Variants in HS3ST3B1 observed in about 807,000 individuals in gnomAD.
The protein encoded by HS3ST3B1 is heparan sulfate-glucosamine 3-sulfotransferase 3B1.
HS3ST3B1 carries 13 observed loss-of-function variants against 21.3 expected under a neutral mutation model. That is an observed-to-expected ratio of 0.61 (90% CI 0.40 to 0.97). The LOEUF (loss-of-function observed/expected upper bound fraction) is 0.97. Among genes scored for constraint, HS3ST3B1 ranks in the 50% least tolerant of loss-of-function variants. The probability of loss-of-function intolerance (pLI) is 0.00; values close to 1 mark genes in which losing one functional copy is unlikely to be tolerated. For synonymous variants in HS3ST3B1, 234 were observed against 254.8 expected, an observed-to-expected ratio of 0.92 and a Z score of 0.78; for missense variants, 459 against 554.8, an observed-to-expected ratio of 0.83 and a Z score of 1.73.
rs143567288 is a variant in HS3ST3B1, at chr17:14,345,076, G to T, written c.603G>T (p.Thr201=). The T allele has an allele frequency of 4.7e-4, 743 of 1,574,420 alleles. 14 individuals carry two copies. The African/African-American group carries it at 9.0e-3, about 19-fold the overall frequency. Residue 201 remains threonine, a synonymous_variant, in exon 2 of 2, where the codon ACG becomes ACT. Transcript: ENST00000360954. ...ACGGGCAGATCACCATGGAGAAGAC[G>T]CCCAGTTACTTCGTCACGCGGGAGG... ...TLDGQITMEK[T]PSYFVTREAP...
Position 14,345,707 on chromosome 17 carries a change from G to T in HS3ST3B1, c.*61G>T. 1 of 1,535,480 alleles carries T rather than the reference G, an allele frequency of 6.5e-7. No individual in the cohort carries two copies. The highest frequency in any genetic ancestry group is 8.8e-7 in the Non-Finnish European group (1 of 1,141,246). ...ATCTATTGACAGAGATTATATGTATGTAAAATGTACAGAAATCTATTTTAT... is the reference window on the plus strand; with the variant it reads ...ATCTATTGACAGAGATTATATGTATTTAAAATGTACAGAAATCTATTTTAT... On this transcript the variant is annotated 3_prime_UTR_variant, in exon 2 of 2. Transcript: ENST00000360954.
intron 1 of HS3ST3B1, among the ~76,000 whole-genome samples, chr17:14,342,433 C>T (rs1031140747): frequency 2.6e-5 from 4 of 151,808 alleles, no homozygotes; most frequent in Non-Finnish European, 5.9e-5. Context: ...AGCTTAGTAT[C>T]CACTTAGTTA....
chr17:14,318,577 A>G (rs1290804131), intron 1 of HS3ST3B1, among the ~76,000 whole-genome samples: 1 of 152,156 alleles, frequency 6.6e-6, no homozygotes, highest in Non-Finnish European at 1.5e-5. Context: ...AGTTATTGAT[A>G]AGGTCTAGCT....
Position 14,345,302 on chromosome 17 carries a change from G to A in HS3ST3B1, c.829G>A (p.Ala277Thr), listed in dbSNP as rs1910522443. 3 of 1,111,898 alleles carry A rather than the reference G, an allele frequency of 2.7e-6. No homozygotes were observed. Among genetic ancestry groups the A allele is most frequent in the Admixed American group, 2.1e-5 (1 of 46,698 alleles). 68.9% of individuals were successfully genotyped at this position (1,111,898 alleles called of 1,614,324 possible). Residue 277 changes from alanine to threonine, a missense_variant, in exon 2 of 2, where the codon GCC becomes ACC. Transcript: ENST00000360954. Reference protein sequence around the residue: ...SWSAIQIGIYAKHLEHWLRHF... With the variant: ...SWSAIQIGIYTKHLEHWLRHF... ...GAGCGCCATCCAGATCGGCATCTAC[G>A]CCAAGCACCTGGAGCACTGGCTGCG...
At position 14,303,098 on chromosome 17, in the gene HS3ST3B1, A is replaced by C. The variant is rs1014151632; in HGVS notation, c.554+1026A>C. On this transcript the variant is annotated intron_variant, in intron 1 of 1. Transcript: ENST00000360954. The surrounding 1 kb of genome is among the most constrained non-coding windows in gnomAD (Gnocchi z 5.7). ...TGTTGGGTTGCCCGAGCTTCGGGTAAGGCGCGAGTGGGCAGGAGGTCTAGA... is the reference window on the plus strand; with the variant it reads ...TGTTGGGTTGCCCGAGCTTCGGGTACGGCGCGAGTGGGCAGGAGGTCTAGA... Among the ~76,000 whole-genome samples, 22 of 152,194 alleles carry C rather than the reference A, an allele frequency of 1.4e-4. No homozygotes were observed. The East Asian group carries it at 3.1e-3, about 21-fold the overall frequency.
intron 1 of HS3ST3B1, among the ~76,000 whole-genome samples, chr17:14,306,522 T>C (rs745618420): frequency 6.6e-6 from 1 of 152,238 alleles, no homozygotes; most frequent in African/African-American, 2.4e-5. Flanking sequence ...GCTAACACTT[T>C]TGGCAGATTC....
At chr17:14,307,456 T>G (rs1044625728) in intron 1 of HS3ST3B1, among the ~76,000 whole-genome samples, 3 of 152,064 alleles carry the variant, frequency 2.0e-5, no homozygotes, top group Non-Finnish European at 4.4e-5. Context: ...CAATATGTCA[T>G]ATAACGTCAT....
chr17:14,342,681 T>G (rs1002302897), intron 1 of HS3ST3B1, among the ~76,000 whole-genome samples: 1 of 152,148 alleles, frequency 6.6e-6, no homozygotes, highest in Non-Finnish European at 1.5e-5. Context: ...GGCTCCATTT[T>G]TGTGGATGAG....
chr17:14,302,655 C>A (rs1194864460), intron 1 of HS3ST3B1, among the ~76,000 whole-genome samples: 1 of 151,990 alleles, frequency 6.6e-6, no homozygotes, highest in Non-Finnish European at 1.5e-5. Flanking sequence ...CGCCTGGGCT[C>A]GGGAGGGTGA....
chr17:14,315,679 G>A (rs1364638357), intron 1 of HS3ST3B1, among the ~76,000 whole-genome samples: 1 of 152,044 alleles, frequency 6.6e-6, no homozygotes, highest in Non-Finnish European at 1.5e-5. Flanking sequence ...AAAAATGCCA[G>A]GCGTGGTGGC....
At chr17:14,309,333 C>T (rs1048135199) in intron 1 of HS3ST3B1, among the ~76,000 whole-genome samples, 3 of 152,212 alleles carry the variant, frequency 2.0e-5, no homozygotes, top group African/African-American at 7.2e-5. Flanking sequence ...ACTGGGGCCG[C>T]CTCCCCCGCC....
intron 1 of HS3ST3B1, among the ~76,000 whole-genome samples, chr17:14,335,002 A>T (rs1392346090): frequency 6.6e-6 from 1 of 152,096 alleles, no homozygotes; most frequent in Non-Finnish European, 1.5e-5. Flanking sequence ...TCTCTTTGTC[A>T]CATTTTTGAT....
rs1910402782 is a variant in HS3ST3B1 at position 14,342,076 on chromosome 17, A to C, written c.555-2952A>C. On this transcript the variant is annotated intron_variant, in intron 1 of 1. Transcript: ENST00000360954. Reference sequence around the variant, plus strand: ...TCCCTGTTGGCAGTCTGCAAGAAGGAGTGCCCGCCCTCTAGGGAATTGCCT... The same window carrying C: ...TCCCTGTTGGCAGTCTGCAAGAAGGCGTGCCCGCCCTCTAGGGAATTGCCT... 2.6e-5 allele frequency among the ~76,000 whole-genome samples: 4 copies of C among 152,284 alleles called. No individual in the cohort carries two copies. The South Asian group carries it at 6.2e-4, about 24-fold the overall frequency.
chr17:14,324,758 C>T (rs186343767), intron 1 of HS3ST3B1, among the ~76,000 whole-genome samples: 1 of 152,096 alleles, frequency 6.6e-6, no homozygotes, highest in East Asian at 1.9e-4. Context: ...GGACTACAGG[C>T]ACACCATCAC....
In HS3ST3B1 at chr17:14,345,581, G is replaced by A. The variant is rs370925943; in HGVS notation, c.1108G>A (p.Glu370Lys). ...IDREVVRRLR[E>K]FYRPFNLKFY... ...CCGCGAGGTGGTGCGCAGGCTGCGC[G>A]AGTTCTACCGGCCTTTCAACCTCAA... The change falls in exon 2 of 2, where the codon GAG (glutamate) becomes AAG (lysine). Residue 370 changes from glutamate (E) to lysine (K), a missense_variant. Physicochemically the swap from Glu to Lys is moderately conservative, Grantham distance 56 (BLOSUM62 1). This residue lies in a region of HS3ST3B1 where 127 missense variants were observed against 209.9 expected (regional missense o/e 0.60). Transcript: ENST00000360954. The A allele has an allele frequency of 2.7e-5, 43 of 1,597,816 alleles. No homozygotes were observed. The highest frequency in any genetic ancestry group is 3.5e-5 in the Non-Finnish European group (41 of 1,171,770).
At position 14,301,916 on chromosome 17, in the gene HS3ST3B1, G is replaced by A. The variant is rs759162056; in HGVS notation, c.398G>A (p.Gly133Glu). 9 of 1,609,522 alleles carry A rather than the reference G, an allele frequency of 5.6e-6. No homozygotes were observed. Among genetic ancestry groups the A allele is most frequent in the South Asian group, 4.4e-5 (4 of 90,106 alleles). The change falls in exon 1 of 2, where the codon GGG becomes GAG. Residue 133 changes from glycine (G) to glutamate (E), a missense_variant. By Grantham distance (98) the Gly-to-Glu change is moderately conservative. Coordinates refer to ENST00000360954, the MANE Select transcript of HS3ST3B1 (RefSeq NM_006041.3). ...ATCTCCAGCTTTTTCAGTGGGTCTG[G>A]GAGCAAGCAGCTGCCGCAGGCCATC... ...SPISSFFSGSGSKQLPQAIII... is the reference protein window; with the variant it reads ...SPISSFFSGSESKQLPQAIII...
In HS3ST3B1 at chr17:14,301,539, C is replaced by G. The variant is rs914664449; in HGVS notation, c.21C>G (p.Gly7=). 8 of 1,575,008 alleles carry G rather than the reference C, an allele frequency of 5.1e-6. No individual in the cohort carries two copies. The highest frequency in any genetic ancestry group is 3.4e-4 in the Middle Eastern group (2 of 5,936). The change falls in exon 1 of 2, where the codon GGC becomes GGG. Residue 7 remains glycine (G), a synonymous_variant. Transcript: ENST00000360954. ...AGCGCATGGGGCAGCGCCTGAGTGG[C>G]GGCAGATCTTGCCTCGATGTCCCCG... is the stretch of plus-strand genomic sequence containing the variant. MGQRLS[G]GRSCLDVPGR...
intron 1 of HS3ST3B1, among the ~76,000 whole-genome samples, chr17:14,305,789 C>T (rs750705343): frequency 1.1e-4 from 17 of 152,126 alleles, no homozygotes; most frequent in Non-Finnish European, 2.1e-4. Flanking sequence ...TGGTAGCTAA[C>T]ACTTACCGAA....
rs1910457845 is a variant in HS3ST3B1 at position 14,343,597 on chromosome 17, CTGTGCCTGATTTATTTCGCTT to C, written c.555-1430_555-1410del. ...ATGAGATAACACAGGATTTGTCTTT[CTGTGCCTGATTTATTTCGCTT>C]AGCATAATGTCTTCCAGTTGCATTC... is the stretch of plus-strand genomic sequence containing the variant. On this transcript the variant is annotated intron_variant, in intron 1 of 1. Transcript: ENST00000360954. 3.9e-5 allele frequency among the ~76,000 whole-genome samples: 6 copies of C among 152,190 alleles called. No individual in the cohort carries two copies. In the South Asian group the frequency reaches 1.2e-3, roughly 31 times the overall value.
Sources: allele counts gnomAD v4.1 joint callset (sites outside exome capture counted in the v4.1 genomes callset), GRCh38; gene constraint gnomAD v4.1.1; regional missense constraint gnomAD v4.1.1; non-coding constraint Gnocchi (gnomAD v3.1); transcripts MANE v1.5; gene names NCBI Gene and HGNC (gene_info 2026-07-23, HGNC 2026-07-21).